The following TOP6BL variants were observed in gnomAD, a reference collection of about 807,000 sequenced individuals.
The protein encoded by TOP6BL is TOP6B like initiator of meiotic double strand breaks.
the TOP6BL span, among the ~76,000 whole-genome samples, chr11:66,823,294 CAA>C: frequency 1.5e-4 from 6 of 41,274 alleles, no homozygotes; most frequent in East Asian, 1.4e-3. Context: ...GACTCCACCT[CAA>C]AAAAAAAAAA....
the TOP6BL span, among the ~76,000 whole-genome samples, chr11:66,813,427 GA>G: frequency 2.6e-4 from 40 of 152,230 alleles, 1 homozygote; most frequent in African/African-American, 9.4e-4. Flanking sequence ...CTTCAGTGTG[GA>G]AAAGGCTTAA....
the TOP6BL span, chr11:66,816,201 TA>T: frequency 6.2e-7 from 1 of 1,608,030 alleles, no homozygotes; most frequent in Admixed American, 1.7e-5. Context: ...AAATCTGGGG[TA>T]AGTATAAGAG....
At chr11:66,827,763 G>T in the TOP6BL span, among the ~76,000 whole-genome samples, 1 of 151,772 alleles carries the variant, frequency 6.6e-6, no homozygotes, top group Non-Finnish European at 1.5e-5. Flanking sequence ...TCAGGAGTTC[G>T]AAACCAGCCT....
At chr11:66,838,399 G>T in the TOP6BL span, 1 of 1,613,920 alleles carries the variant, frequency 6.2e-7, no homozygotes, top group Admixed American at 1.7e-5. Context: ...ACTCAGCCCA[G>T]GGCACTGAGG....
the TOP6BL span, among the ~76,000 whole-genome samples, chr11:66,751,932 C>T: frequency 5.3e-5 from 8 of 152,124 alleles, no homozygotes; most frequent in African/African-American, 1.7e-4. Flanking sequence ...TAAATCTACT[C>T]AATATATTCC....
At chr11:66,806,584 A>G in the TOP6BL span, among the ~76,000 whole-genome samples, 2 of 152,194 alleles carry the variant, frequency 1.3e-5, no homozygotes, top group Non-Finnish European at 2.9e-5. Context: ...CATGGCCAAC[A>G]TGGCAAAACC....
the TOP6BL span, chr11:66,804,084 T>G: frequency 1.2e-6 from 2 of 1,613,992 alleles, no homozygotes; most frequent in Non-Finnish European, 1.7e-6. Flanking sequence ...CCTGAAGACG[T>G]GGCTGGCATG....
chr11:66,819,851 C>T, the TOP6BL span, among the ~76,000 whole-genome samples: 4 of 149,618 alleles, frequency 2.7e-5, no homozygotes, highest in South Asian at 2.1e-4. Flanking sequence ...TGCAGTGAGC[C>T]GAGATCACGC....
chr11:66,796,352 G>A, the TOP6BL span: 1 of 1,608,046 alleles, frequency 6.2e-7, no homozygotes, highest in Non-Finnish European at 8.5e-7. Context: ...AAATCATCAT[G>A]GTGCACCCTA....
chr11:66,834,286 C>G, the TOP6BL span, among the ~76,000 whole-genome samples: 1 of 152,108 alleles, frequency 6.6e-6, no homozygotes, highest in South Asian at 2.1e-4. Flanking sequence ...GCTCTGAAAC[C>G]TGGTAATATT....
chr11:66,805,180 G>C, the TOP6BL span, among the ~76,000 whole-genome samples: 1 of 152,174 alleles, frequency 6.6e-6, no homozygotes, highest in Non-Finnish European at 1.5e-5. Context: ...GCTGCAGTGA[G>C]CCAAGAACAC....
chr11:66,746,314 C>T, the TOP6BL span, among the ~76,000 whole-genome samples: 1 of 151,900 alleles, frequency 6.6e-6, no homozygotes, highest in Non-Finnish European at 1.5e-5. Flanking sequence ...GTTGGCCGGG[C>T]GCGGTGGGTA....
At chr11:66,799,207 C>CAAAAA in the TOP6BL span, among the ~76,000 whole-genome samples, 1 of 41,858 alleles carries the variant, frequency 2.4e-5, no homozygotes, top group Non-Finnish European at 5.0e-5. Flanking sequence ...ACTCTGTCTC[C>CAAAAA]AAAAAAAAAA....
chr11:66,843,330 C>G, the TOP6BL span: 9 of 1,497,338 alleles, frequency 6.0e-6, no homozygotes, highest in African/African-American at 1.3e-4. Context: ...ACCAAGTCCT[C>G]TTCCGCGTCT....
At chr11:66,780,424 G>C in the TOP6BL span, among the ~76,000 whole-genome samples, 3 of 152,032 alleles carry the variant, frequency 2.0e-5, no homozygotes, top group Non-Finnish European at 4.4e-5. Flanking sequence ...TCTTCTAGCA[G>C]CAGATTATTT....
the TOP6BL span, among the ~76,000 whole-genome samples, chr11:66,752,142 C>CTTT: frequency 7.3e-6 from 1 of 137,914 alleles, no homozygotes; most frequent in Non-Finnish European, 1.6e-5. Context: ...CCCTCTCTCT[C>CTTT]TTTTTTTTTT....
At chr11:66,823,294 C>CAAAA in the TOP6BL span, among the ~76,000 whole-genome samples, 2 of 41,264 alleles carry the variant, frequency 4.8e-5, no homozygotes, top group African/African-American at 8.7e-5. Context: ...GACTCCACCT[C>CAAAA]AAAAAAAAAA....
chr11:66,814,080 A>C, the TOP6BL span: 1 of 1,443,770 alleles, frequency 6.9e-7, no homozygotes, highest in Non-Finnish European at 9.6e-7. Context: ...AATGAAAGGA[A>C]ATATGAATAG....
At chr11:66,780,726 CAT>C in the TOP6BL span, among the ~76,000 whole-genome samples, 1 of 152,088 alleles carries the variant, frequency 6.6e-6, no homozygotes, top group Non-Finnish European at 1.5e-5. Flanking sequence ...GGATTACAGA[CAT>C]GTGCCACCAC....
Sources: gnomAD v4.1 joint callset for allele counts (sites outside exome capture counted in the v4.1 genomes callset) on GRCh38, gnomAD v4.1.1 for gene constraint, MANE v1.5 for transcripts, NCBI Gene and HGNC (gene_info 2026-07-23, HGNC 2026-07-21) for gene names.